GRM7: variants seen among roughly 807,000 people sequenced by gnomAD.
GRM7 encodes metabotropic glutamate receptor 7.
A neutral mutation model predicts 84.5 loss-of-function variants in GRM7; 35 were observed. That is an observed-to-expected ratio of 0.41 (90% CI 0.32 to 0.55). The LOEUF (loss-of-function observed/expected upper bound fraction) is 0.55, where lower values mean the gene tolerates loss of function less well. GRM7 is among the 20% of genes least tolerant of loss of function. The pLI, the probability that GRM7 is intolerant of heterozygous loss-of-function variation, is 0.19. For missense variants in GRM7, 1,003 were observed against 1,194.6 expected, an observed-to-expected ratio of 0.84 and a Z score of 2.36; for synonymous variants, 487 against 455.1, an observed-to-expected ratio of 1.07 and a Z score of -0.89.
chr3:7,036,587 G>A (rs1696394362), intron 1 of GRM7, among the ~76,000 whole-genome samples: 1 of 152,074 alleles, frequency 6.6e-6, no homozygotes, highest in African/African-American at 2.4e-5. Flanking sequence ...TCAATGAAGA[G>A]CTACTTTAAC....
chr3:7,662,044 C>T (rs1281254036), intron 8 of GRM7, among the ~76,000 whole-genome samples: 1 of 151,932 alleles, frequency 6.6e-6, no homozygotes, highest in African/African-American at 2.4e-5. Context: ...ATAGTATATC[C>T]TTGCAATGGA....
chr3:7,337,052 A>C (rs1701447953), intron 4 of GRM7, among the ~76,000 whole-genome samples: 1 of 151,922 alleles, frequency 6.6e-6, no homozygotes, highest in Non-Finnish European at 1.5e-5. Flanking sequence ...CAATAGCATG[A>C]TACTGGTATA....
intron 7 of GRM7, among the ~76,000 whole-genome samples, chr3:7,577,399 A>G (rs1485177): frequency 0.99 from 150,877 of 152,278 alleles, 74,747 homozygotes; most frequent in East Asian, 1. Context: ...GGTTAGGCCT[A>G]GGTCATGTGC....
intron 1 of GRM7, among the ~76,000 whole-genome samples, chr3:7,042,703 T>C (rs1696672371): frequency 6.6e-6 from 1 of 152,196 alleles, no homozygotes; most frequent in South Asian, 2.1e-4. Context: ...TTTGTATCTC[T>C]CCTTAACATA....
intron 1 of GRM7, among the ~76,000 whole-genome samples, chr3:7,038,572 T>A (rs900906740): frequency 6.6e-6 from 1 of 152,154 alleles, no homozygotes. Context: ...AACAAGACCT[T>A]GGATACACTT....
chr3:7,103,117 A>T (rs1322826118), intron 1 of GRM7, among the ~76,000 whole-genome samples: 1 of 151,792 alleles, frequency 6.6e-6, no homozygotes, highest in Non-Finnish European at 1.5e-5. Context: ...ATATTTTATT[A>T]TGTTAAAAAC....
intron 4 of GRM7, among the ~76,000 whole-genome samples, chr3:7,345,433 C>T (rs569810391): frequency 6.6e-6 from 1 of 152,110 alleles, no homozygotes; most frequent in South Asian, 2.1e-4. Context: ...GCACCCGCCA[C>T]CATGCCTGGC....
At chr3:7,062,328 C>T (rs750960556) in intron 1 of GRM7, among the ~76,000 whole-genome samples, 8 of 151,572 alleles carry the variant, frequency 5.3e-5, no homozygotes, top group Non-Finnish European at 8.9e-5. Context: ...GGTGTACAAT[C>T]GTAGTGTGTG....
At chr3:7,187,146 C>G (rs950830448) in intron 2 of GRM7, among the ~76,000 whole-genome samples, 18 of 151,986 alleles carry the variant, frequency 1.2e-4, no homozygotes, top group African/African-American at 4.4e-4. Flanking sequence ...GTTTTCAGAT[C>G]TTCATCAATT....
At chr3:7,465,874 A>G (rs1331426151) in intron 7 of GRM7, among the ~76,000 whole-genome samples, 1 of 152,094 alleles carries the variant, frequency 6.6e-6, no homozygotes, top group African/African-American at 2.4e-5. Context: ...AATTTCTGGA[A>G]TTTAAGTGCT....
intron 1 of GRM7, among the ~76,000 whole-genome samples, chr3:7,052,087 T>C (rs1189100108): frequency 6.6e-6 from 1 of 151,726 alleles, no homozygotes; most frequent in Non-Finnish European, 1.5e-5. Context: ...TCATTTTGCT[T>C]ATACTTTGTT....
At chr3:7,143,857 T>C (rs1272985850) in intron 1 of GRM7, among the ~76,000 whole-genome samples, 1 of 152,180 alleles carries the variant, frequency 6.6e-6, no homozygotes, top group Non-Finnish European at 1.5e-5. Context: ...TCTTTCCTTT[T>C]CATTTCTTGT....
Position 7,198,935 on chromosome 3 carries a change from C to T in GRM7, c.736+52267C>T, listed in dbSNP as rs146106809. ...ATCAGAAAGACAGAAAAAATGATTT[C>T]CATGATGTATCTTTAAAAGTTTTTT... On this transcript the variant is annotated intron_variant, in intron 2 of 9. Coordinates refer to ENST00000357716, the MANE Select transcript of GRM7 (RefSeq NM_000844.4). 3.6e-3 allele frequency among the ~76,000 whole-genome samples: 546 copies of T among 152,230 alleles called. 3 individuals carry two copies. The highest frequency in any genetic ancestry group is 5.6e-3 in the Admixed American group (86 of 15,290).
intron 2 of GRM7, among the ~76,000 whole-genome samples, chr3:7,162,931 T>C (rs1016391675): frequency 5.3e-5 from 8 of 151,586 alleles, no homozygotes; most frequent in Admixed American, 4.6e-4. Context: ...GGCTAATTTT[T>C]GTATTTTTAG....
rs1264017815 is a variant in GRM7, at chr3:7,126,178, AACTG to A, written c.520-20273_520-20270del. On this transcript the variant is annotated intron_variant, in intron 1 of 9. Coordinates refer to ENST00000357716, the MANE Select transcript of GRM7 (RefSeq NM_000844.4). ...TTGGGAAGGTTATTCAGGTGGTTCA[AACTG>A]CCTAGGGCCTTAAGTGAACTTGAAT... 2.6e-5 allele frequency among the ~76,000 whole-genome samples: 4 copies of A among 152,210 alleles called. No individual in the cohort carries two copies. In the East Asian group the frequency reaches 7.7e-4, roughly 29 times the overall value.
chr3:7,646,805 AC>A (rs1386516850), intron 8 of GRM7, among the ~76,000 whole-genome samples: 4 of 151,942 alleles, frequency 2.6e-5, no homozygotes, highest in Non-Finnish European at 4.4e-5. Context: ...AGGCCAAAAA[AC>A]CCTTTCCTAG....
intron 1 of GRM7, among the ~76,000 whole-genome samples, chr3:6,870,389 G>A (rs1695082484): frequency 6.6e-6 from 1 of 152,164 alleles, no homozygotes; most frequent in Non-Finnish European, 1.5e-5. Flanking sequence ...AAATGGGCCT[G>A]GCATGTTAGA....
intron 9 of GRM7, among the ~76,000 whole-genome samples, chr3:7,690,121 A>G (rs1395199475): frequency 6.6e-6 from 1 of 152,176 alleles, no homozygotes; most frequent in East Asian, 1.9e-4. Context: ...AGAGAATGTG[A>G]CATGTTCTGG....
chr3:7,293,183 T>C (rs1446104438), intron 2 of GRM7, among the ~76,000 whole-genome samples: 1 of 152,192 alleles, frequency 6.6e-6, no homozygotes, highest in Non-Finnish European at 1.5e-5. Flanking sequence ...TTAAACTGTT[T>C]TCTGTTGTTT....
Sources: gnomAD v4.1 joint callset for allele counts (sites outside exome capture counted in the v4.1 genomes callset) on GRCh38, gnomAD v4.1.1 for gene constraint, MANE v1.5 for transcripts, NCBI Gene and HGNC (gene_info 2026-07-23, HGNC 2026-07-21) for gene names.